The following MTAP variants were observed in gnomAD, a reference collection of about 807,000 sequenced individuals.
The protein encoded by MTAP is S-methyl-5'-thioadenosine phosphorylase.
Under a neutral mutation model 33.6 loss-of-function variants are expected in MTAP, and 33 were observed. The ratio of observed to expected loss-of-function variants is 0.98; its 90% confidence interval spans 0.74 to 1.31. The LOEUF (loss-of-function observed/expected upper bound fraction) is 1.31. MTAP is among the 40% of genes most tolerant of loss of function. The pLI, the probability that MTAP is intolerant of heterozygous loss-of-function variation, is 0.00. For synonymous variants in MTAP, 148 were observed against 125.7 expected, an observed-to-expected ratio of 1.18 and a Z score of -1.19; for missense variants, 367 against 360.0, an observed-to-expected ratio of 1.02 and a Z score of -0.16.
intron 4 of MTAP, 141 bp downstream of exon 4, chr9:21,818,343 T>TTTTTTTTG (rs1824539043): frequency 3.1e-6 from 2 of 652,244 alleles, no homozygotes; most frequent in African/African-American, 2.2e-5. Flanking sequence ...TTTTTTTTTT[T>TTTTTTTTG]TGGAGACGGA....
chr9:21,887,889 C>G (rs948104381), intron 1 of MTAP, among the ~76,000 whole-genome samples: 2 of 152,086 alleles, frequency 1.3e-5, no homozygotes, highest in Non-Finnish European at 2.9e-5. Context: ...GGGGTTGCAG[C>G]TATTGTAAAA....
intron 3 of MTAP, among the ~76,000 whole-genome samples, chr9:21,817,384 C>T (rs1431808195): frequency 5.3e-5 from 8 of 152,012 alleles, no homozygotes; most frequent in Non-Finnish European, 1.5e-5. Flanking sequence ...AGCCAGTCCT[C>T]TGCTTGGGGT....
chr9:21,941,003 C>G, downstream of MTAP: 11 of 985,100 alleles, frequency 1.1e-5, no homozygotes, highest in Non-Finnish European at 1.3e-5. Context: ...GGAGCAAAGA[C>G]CAAACATATA....
chr9:21,909,232 A>G (rs1357876149), intron 1 of MTAP, among the ~76,000 whole-genome samples: 1 of 151,946 alleles, frequency 6.6e-6, no homozygotes, highest in Non-Finnish European at 1.5e-5. Flanking sequence ...TCTGAAGTAT[A>G]TTTTTACTGG....
At chr9:21,915,973 T>G (rs1485338462) in intron 1 of MTAP, among the ~76,000 whole-genome samples, 6 of 150,292 alleles carry the variant, frequency 4.0e-5, no homozygotes, top group Non-Finnish European at 7.4e-5. Context: ...AGGTTGAGGT[T>G]GAACTGTGAT....
At chr9:21,914,146 G>A (rs1818634909) in intron 1 of MTAP, among the ~76,000 whole-genome samples, 1 of 152,214 alleles carries the variant, frequency 6.6e-6, no homozygotes, top group Non-Finnish European at 1.5e-5. Flanking sequence ...TGCTGGAGAG[G>A]ATGTGGAGAA....
intron 1 of MTAP, among the ~76,000 whole-genome samples, chr9:21,909,835 T>C (rs1818540994): frequency 6.6e-6 from 1 of 152,200 alleles, no homozygotes; most frequent in Non-Finnish European, 1.5e-5. Context: ...CCCCACTTTA[T>C]AGATGAGAAA....
At position 21,802,776 on chromosome 9, in the gene MTAP, G is replaced by A. The variant is rs778003799; in HGVS notation, c.28G>A (p.Val10Met). Reference sequence around the variant, plus strand: ...GGCCTCTGGCACCACCACCACCGCCGTGAAGGTGAGATGAGCCCTCCCAGC... The same window carrying A: ...GGCCTCTGGCACCACCACCACCGCCATGAAGGTGAGATGAGCCCTCCCAGC... MASGTTTTA[V>M]KIGIIGGTGL... Residue 10 changes from valine to methionine, a missense_variant, in exon 1 of 8, where the codon GTG becomes ATG. Physicochemically the swap from Val to Met is conservative, Grantham distance 21 (BLOSUM62 1). Transcript: ENST00000644715. 1.2e-6 allele frequency: 2 copies of A among 1,613,158 alleles called. No homozygotes were observed. Among genetic ancestry groups the A allele is most frequent in the Admixed American group, 3.3e-5 (2 of 59,984 alleles).
intron 1 of MTAP, among the ~76,000 whole-genome samples, chr9:21,914,973 T>C (rs1195485452): frequency 2.6e-5 from 4 of 151,336 alleles, no homozygotes; most frequent in Non-Finnish European, 5.9e-5. Flanking sequence ...ACATCCATAG[T>C]GTAGCACATA....
intron 5 of MTAP, among the ~76,000 whole-genome samples, chr9:21,840,858 G>T (rs1825225719): frequency 6.6e-6 from 1 of 152,192 alleles, no homozygotes; most frequent in South Asian, 2.1e-4. Context: ...GGCCATGCTT[G>T]CTTTCCCAGT....
intron 4 of MTAP, among the ~76,000 whole-genome samples, chr9:21,831,179 G>C (rs1342765339): frequency 1.3e-5 from 2 of 152,140 alleles, no homozygotes; most frequent in Non-Finnish European, 2.9e-5. Context: ...TGCCATTAAA[G>C]ATACATGGAC....
intron 1 of MTAP, among the ~76,000 whole-genome samples, chr9:21,883,764 T>C (rs189320313): frequency 2.4e-4 from 36 of 150,664 alleles, no homozygotes; most frequent in Middle Eastern, 3.4e-3. Context: ...AACCCTCTAG[T>C]GTACAGGTAG....
intron 1 of MTAP, among the ~76,000 whole-genome samples, chr9:21,894,871 A>C (rs1055013756): frequency 1.3e-5 from 2 of 152,042 alleles, no homozygotes; most frequent in East Asian, 3.9e-4. Flanking sequence ...TCAGCATTTC[A>C]ATACATCAAT....
At chr9:21,935,159 A>G (rs1819022433), downstream of MTAP, 1 of 152,232 alleles carries the variant, frequency 6.6e-6, no homozygotes, top group Non-Finnish European at 1.5e-5. Context: ...GAATTATAGA[A>G]TAGAATTCAA....
At chr9:21,918,108 T>C (rs1416767021) in intron 1 of MTAP, among the ~76,000 whole-genome samples, 3 of 129,260 alleles carry the variant, frequency 2.3e-5, no homozygotes, top group Non-Finnish European at 4.6e-5. Context: ...CCCAGCACTT[T>C]GGGAGGCCGA....
chr9:21,862,771 A>G lies in MTAP; in HGVS notation c.*757A>G, dbSNP rs1825779731. On this transcript the variant is annotated 3_prime_UTR_variant, in exon 8 of 8. Transcript: ENST00000644715. ...AGTACTAGTTTTGCTTTAAAATGCT[A>G]TGTAAATATACAAAAAAACTAGAAA... The G allele has an allele frequency of 4.4e-6, 1 of 229,416 alleles. No individual in the cohort carries two copies. Among genetic ancestry groups the G allele is most frequent in the East Asian group, 1.8e-4 (1 of 5,484 alleles). The allele number at this position is 229,416 out of a possible 1,614,324, so 14.2% of individuals were successfully genotyped here.
intron 1 of MTAP, among the ~76,000 whole-genome samples, chr9:21,896,640 G>T (rs910699544): frequency 1.3e-5 from 2 of 152,034 alleles, no homozygotes; most frequent in Non-Finnish European, 2.9e-5. Context: ...ATCTAGAAAT[G>T]GATAAATTCC....
chr9:21,825,146 C>T (rs369290476), intron 4 of MTAP, among the ~76,000 whole-genome samples: 15 of 152,236 alleles, frequency 9.9e-5, no homozygotes, highest in South Asian at 2.1e-4. Flanking sequence ...GAGATGAACC[C>T]GGTACCTAAG....
intron 1 of MTAP, among the ~76,000 whole-genome samples, chr9:21,814,038 C>G (rs1824416399): frequency 6.6e-6 from 1 of 152,118 alleles, no homozygotes; most frequent in African/African-American, 2.4e-5. Context: ...AATAATATAC[C>G]TCCACAAGAT....
Sources: gnomAD v4.1 joint callset for allele counts (sites outside exome capture counted in the v4.1 genomes callset) on GRCh38, gnomAD v4.1.1 for gene constraint, MANE v1.5 for transcripts, NCBI Gene and HGNC (gene_info 2026-07-23, HGNC 2026-07-21) for gene names.